Variants in BCAS3 observed in about 807,000 individuals in gnomAD.
BCAS3 encodes the protein BCAS4/BCAS3 fusion.
BCAS3 carries 53 observed loss-of-function variants against 116.1 expected under a neutral mutation model. The observed-to-expected ratio is 0.46, with a 90% confidence interval of 0.37 to 0.57. The LOEUF is 0.57. BCAS3 is among the 20% of genes least tolerant of loss of function. The probability of loss-of-function intolerance (pLI) is 0.00; values close to 1 mark genes in which losing one functional copy is unlikely to be tolerated. For synonymous variants in BCAS3, 391 were observed against 408.2 expected (o/e 0.96, Z 0.51); for missense variants, 917 against 1,165.4 (o/e 0.79, Z 3.10).
chr17:60,683,013 C>T (rs906570685), intron 2 of BCAS3, among the ~76,000 whole-genome samples: 1 of 152,102 alleles, frequency 6.6e-6, no homozygotes, highest in Non-Finnish European at 1.5e-5. Flanking sequence ...CTGGGTTCAA[C>T]TCCACCTCAG....
intron 8 of BCAS3, among the ~76,000 whole-genome samples, chr17:60,870,892 A>T (rs901899869): frequency 2.0e-5 from 3 of 152,216 alleles, no homozygotes; most frequent in African/African-American, 7.2e-5. Context: ...TTGTAGGAAC[A>T]TTTTCAATTA....
intron 19 of BCAS3, among the ~76,000 whole-genome samples, chr17:61,045,007 C>T (rs777924329): frequency 1.2e-4 from 19 of 152,014 alleles, no homozygotes; most frequent in African/African-American, 3.6e-4. Context: ...TGATCCACCC[C>T]GTCTCTGCCT....
Position 60,729,738 on chromosome 17 carries a change from G to A in BCAS3, c.322-17460G>A, listed in dbSNP as rs116000280. ...CAGTCTTTTAAAAGTGGAAAGAGGC[G>A]ATGAACCAAAATTGGTTTATCTGTT... On this transcript the variant is annotated intron_variant, in intron 5 of 23. Coordinates refer to ENST00000407086, the MANE Select transcript of BCAS3 (RefSeq NM_017679.5). Among the ~76,000 whole-genome samples, 1,388 of 152,232 alleles carry A rather than the reference G, an allele frequency of 9.1e-3. 26 individuals are homozygous for A. Among genetic ancestry groups the A allele is most frequent in the African/African-American group, 0.032 (1,324 of 41,534 alleles).
chr17:61,134,736 T>C lies in BCAS3; in HGVS notation c.2425+50172T>C, dbSNP rs1257033291. Among the ~76,000 whole-genome samples, 1 of 152,162 alleles carries C rather than the reference T, an allele frequency of 6.6e-6. No homozygotes were observed. The highest frequency in any genetic ancestry group is 1.5e-5 in the Non-Finnish European group (1 of 68,028). On this transcript the variant is annotated intron_variant, in intron 22 of 23. Transcript: ENST00000407086. This position sits in a 1 kb window ranked among gnomAD's most constrained non-coding sequence, Gnocchi z 4.6. The stretch of plus-strand genomic sequence containing the variant: ...CTCATTTAACCTTCAAAACAATCCT[T>C]TTTGACATCAGTTTTTTGTTCCTAA...
chr17:60,916,967 G>A lies in BCAS3; in HGVS notation c.993+6265G>A, dbSNP rs891076337. Among the ~76,000 whole-genome samples, 9 of 152,202 alleles carry A rather than the reference G, an allele frequency of 5.9e-5. No homozygotes were observed. In the East Asian group the frequency reaches 7.7e-4, roughly 13 times the overall value. The stretch of plus-strand genomic sequence containing the variant: ...TGGGACCCTTCTAACCTGCTAGTCA[G>A]AATTGTGCATTCACTTTGTAAAAGA... On this transcript the variant is annotated intron_variant, in intron 12 of 23. Transcript: ENST00000407086.
At chr17:61,223,259 G>A (rs1243859904) in intron 22 of BCAS3, among the ~76,000 whole-genome samples, 3 of 133,952 alleles carry the variant, frequency 2.2e-5, no homozygotes, top group Admixed American at 8.8e-5. Flanking sequence ...CTGGGTTCAA[G>A]CAGTTCTCCT....
intron 22 of BCAS3, among the ~76,000 whole-genome samples, chr17:61,322,850 GAGAGAC>G (rs2055401800): frequency 1.7e-4 from 25 of 146,478 alleles, no homozygotes; most frequent in East Asian, 4.0e-4. Flanking sequence ...GAGAGAGAGA[GAGAGAC>G]AGAGAGAGAG....
At chr17:60,772,374 A>C (rs1451557580) in intron 6 of BCAS3, among the ~76,000 whole-genome samples, 1 of 151,998 alleles carries the variant, frequency 6.6e-6, no homozygotes, top group African/African-American at 2.4e-5. Context: ...GGGTCTGTTC[A>C]TATCCTTTGC....
intron 5 of BCAS3, chr17:60,727,333 C>T (rs770885290): frequency 7.1e-7 from 1 of 1,407,364 alleles, no homozygotes; most frequent in Non-Finnish European, 1.0e-6. Flanking sequence ...CTGGCCTTCT[C>T]TGCCCACCAT....
At chr17:60,871,046 T>G (rs2055056206) in intron 8 of BCAS3, among the ~76,000 whole-genome samples, 1 of 152,260 alleles carries the variant, frequency 6.6e-6, no homozygotes, top group African/African-American at 2.4e-5. Context: ...TTCCCAGTCA[T>G]TTGTCCATTA....
At chr17:61,107,742 T>C (rs1010431577) in intron 22 of BCAS3, among the ~76,000 whole-genome samples, 4 of 152,236 alleles carry the variant, frequency 2.6e-5, no homozygotes, top group Non-Finnish European at 5.9e-5. Flanking sequence ...TCGCACAGTT[T>C]AGTTAACTAT....
chr17:61,299,287 CA>C (rs1233183974), intron 22 of BCAS3, among the ~76,000 whole-genome samples: 4 of 151,274 alleles, frequency 2.6e-5, no homozygotes, highest in African/African-American at 9.7e-5. Context: ...ACTAAAAATA[CA>C]AAAAATTAGC....
intron 22 of BCAS3, among the ~76,000 whole-genome samples, chr17:61,109,265 G>T (rs957976903): frequency 6.6e-6 from 1 of 150,416 alleles, no homozygotes; most frequent in Non-Finnish European, 1.5e-5. Flanking sequence ...TCCTTGTTAC[G>T]GCCGAGTAGT....
rs188975299 is a variant in BCAS3, at chr17:61,286,357, T to C, written c.2426-81970T>C. 6.6e-6 allele frequency among the ~76,000 whole-genome samples: 1 copy of C among 152,332 alleles called. No homozygotes were observed. Among genetic ancestry groups the C allele is most frequent in the Non-Finnish European group, 1.5e-5 (1 of 68,028 alleles). On this transcript the variant is annotated intron_variant, in intron 22 of 23. Transcript: ENST00000407086. This position sits in a 1 kb window ranked among gnomAD's most constrained non-coding sequence, Gnocchi z 4.8. ...GCAGAGGTTGCTGGGTTTATACTGA[T>C]GTCTGCGCCCACTCCTGTGCTGGTG...
intron 22 of BCAS3, among the ~76,000 whole-genome samples, chr17:61,164,039 A>T (rs1220206668): frequency 4.6e-5 from 7 of 150,586 alleles, no homozygotes; most frequent in Admixed American, 4.0e-4. Context: ...AATAAATCAA[A>T]GATTTATTTG....
intron 2 of BCAS3, among the ~76,000 whole-genome samples, chr17:60,680,088 C>G (rs187524983): frequency 4.2e-5 from 6 of 143,262 alleles, no homozygotes; most frequent in Non-Finnish European, 9.0e-5. Flanking sequence ...GAGCTGAGAT[C>G]GCGCCACTGC....
At chr17:60,866,562 T>G (rs975446394) in intron 7 of BCAS3, among the ~76,000 whole-genome samples, 7 of 152,242 alleles carry the variant, frequency 4.6e-5, no homozygotes, top group African/African-American at 9.6e-5. Flanking sequence ...TAAAATATGT[T>G]GGAAAGTGAC....
At chr17:60,922,727 T>C (rs1032920210) in intron 12 of BCAS3, among the ~76,000 whole-genome samples, 1 of 152,166 alleles carries the variant, frequency 6.6e-6, no homozygotes, top group Non-Finnish European at 1.5e-5. Flanking sequence ...TTAATAACTT[T>C]AAAAGGATTA....
intron 6 of BCAS3, among the ~76,000 whole-genome samples, chr17:60,802,102 G>T (rs1001235080): frequency 6.6e-6 from 1 of 151,830 alleles, no homozygotes; most frequent in Admixed American, 6.6e-5. Flanking sequence ...GAGGTCAGGA[G>T]TTTGAGACCA....
Sources: gnomAD v4.1 joint callset for allele counts (sites outside exome capture counted in the v4.1 genomes callset) on GRCh38, gnomAD v4.1.1 for gene constraint, Gnocchi (gnomAD v3.1) non-coding constraint, MANE v1.5 for transcripts, NCBI Gene and HGNC (gene_info 2026-07-23, HGNC 2026-07-21) for gene names.